Variants in LIMD1 observed in about 807,000 individuals in gnomAD.
LIMD1 encodes the protein LIM domain containing 1, also known as LIM domain-containing protein 1.
A neutral mutation model predicts 58.4 loss-of-function variants in LIMD1; 23 were observed. That is an observed-to-expected ratio of 0.39 (90% CI 0.28 to 0.56). The LOEUF (loss-of-function observed/expected upper bound fraction) is 0.56. LIMD1 is among the 20% of genes least tolerant of loss of function. The probability of loss-of-function intolerance (pLI) is 0.57; values close to 1 mark genes in which losing one functional copy is unlikely to be tolerated. For missense variants in LIMD1, 838 were observed against 855.5 expected (o/e 0.98, Z 0.25); for synonymous variants, 334 against 345.5 (o/e 0.97, Z 0.37).
At chr3:45,651,735 C>T (rs563035808) in intron 2 of LIMD1, among the ~76,000 whole-genome samples, 75 of 152,096 alleles carry the variant, frequency 4.9e-4, no homozygotes, top group African/African-American at 1.7e-3. Flanking sequence ...CGGGTTCAAG[C>T]GATTCTCCTT....
chr3:45,641,935 T>C (rs1701847241), intron 2 of LIMD1, among the ~76,000 whole-genome samples: 2 of 152,234 alleles, frequency 1.3e-5, no homozygotes, highest in South Asian at 4.1e-4. Context: ...TCATTAGAGA[T>C]GAGACACTGT....
rs1248984874 is a variant in LIMD1 at position 45,629,280 on chromosome 3, G to A, written c.1409-6870G>A. On this transcript the variant is annotated intron_variant, in intron 1 of 7. Transcript: ENST00000273317. ...ATACAAAAATTAGCCAGGCCTGGTG[G>A]CACGTGCCTGTAATCCCAGCTACTC... is the stretch of plus-strand genomic sequence containing the variant. Among the ~76,000 whole-genome samples, 7 of 152,028 alleles carry A rather than the reference G, an allele frequency of 4.6e-5. No individual in the cohort carries two copies. In the East Asian group the frequency reaches 9.7e-4, roughly 21 times the overall value.
At chr3:45,608,855 AAAAG>A (rs1331564353) in intron 1 of LIMD1, among the ~76,000 whole-genome samples, 7 of 151,818 alleles carry the variant, frequency 4.6e-5, no homozygotes, top group Middle Eastern at 6.8e-3. Flanking sequence ...AAAAAAAAAA[AAAAG>A]AAGGAGAATG....
intron 1 of LIMD1, among the ~76,000 whole-genome samples, chr3:45,616,441 G>C (rs994365251): frequency 6.6e-6 from 1 of 152,120 alleles, no homozygotes; most frequent in African/African-American, 2.4e-5. Context: ...ACAAAACCGG[G>C]TCACATCCCT....
chr3:45,673,524 CA>C lies in LIMD1; in HGVS notation c.1824+20del. The C allele has an allele frequency of 1.2e-6, 2 of 1,604,350 alleles. No individual in the cohort carries two copies. The highest frequency in any genetic ancestry group is 1.7e-6 in the Non-Finnish European group (2 of 1,171,008). On this transcript the variant is annotated intron_variant, in intron 6 of 7. Coordinates refer to ENST00000273317, the MANE Select transcript of LIMD1 (RefSeq NM_014240.3). ...ACCTGAGGTAAGATGCCCTTCCAGA[CA>C]TGCTCCCAGGGGCTTCTAAGACATG...
chr3:45,650,110 A>T (rs1172546958), intron 2 of LIMD1, among the ~76,000 whole-genome samples: 4 of 151,528 alleles, frequency 2.6e-5, no homozygotes, highest in Non-Finnish European at 5.9e-5. Context: ...TCCACTAGGG[A>T]CTCCAATTAC....
chr3:45,624,032 C>T (rs1474605399), intron 1 of LIMD1, among the ~76,000 whole-genome samples: 1 of 152,186 alleles, frequency 6.6e-6, no homozygotes, highest in Non-Finnish European at 1.5e-5. Flanking sequence ...CTAGCTCTGT[C>T]CCAAGGACTT....
At chr3:45,676,782 G>A in intron 7 of LIMD1, 140 bp from the exon 8 acceptor site, 1 of 804,304 alleles carries the variant, frequency 1.2e-6, no homozygotes, top group Non-Finnish European at 2.1e-6. Context: ...CACGGGGCAG[G>A]AGCTGTGTTT....
intron 2 of LIMD1, among the ~76,000 whole-genome samples, chr3:45,646,053 A>G (rs1217179563): frequency 2.0e-5 from 3 of 149,290 alleles, no homozygotes; most frequent in Middle Eastern, 3.3e-3. Context: ...AAAAAGATTT[A>G]GGAACCAGAG....
intron 1 of LIMD1, among the ~76,000 whole-genome samples, chr3:45,618,364 C>A (rs1701594393): frequency 6.6e-6 from 1 of 152,078 alleles, no homozygotes; most frequent in Non-Finnish European, 1.5e-5. Flanking sequence ...CCTCAAGGGC[C>A]CTGCTGTCCT....
Position 45,683,759 on chromosome 3 carries a change from A to G in LIMD1, c.*6700A>G, listed in dbSNP as rs1264407808. On this transcript the variant is annotated 3_prime_UTR_variant, in exon 8 of 8. Coordinates refer to ENST00000273317, the MANE Select transcript of LIMD1 (RefSeq NM_014240.3). The stretch of plus-strand genomic sequence containing the variant: ...TTCTTGAGCTGCTTGGGCTGCTCCC[A>G]CCCTGTGGAGCGTACTTTCGTTTTT... 6.6e-6 allele frequency: 1 copy of G among 152,152 alleles called. No homozygotes were observed. Among genetic ancestry groups the G allele is most frequent in the Non-Finnish European group, 1.5e-5 (1 of 68,040 alleles). The allele number at this position is 152,152 out of a possible 1,614,324, so 9.4% of individuals were successfully genotyped here.
At chr3:45,606,613 G>C (rs1215249289) in intron 1 of LIMD1, among the ~76,000 whole-genome samples, 1 of 152,230 alleles carries the variant, frequency 6.6e-6, no homozygotes, top group Non-Finnish European at 1.5e-5. Context: ...CCTCTGAAGA[G>C]GTGTGGGTTA....
chr3:45,615,581 C>T (rs1701568074), intron 1 of LIMD1, among the ~76,000 whole-genome samples: 1 of 151,852 alleles, frequency 6.6e-6, no homozygotes, highest in Non-Finnish European at 1.5e-5. Context: ...ATGGCAAAAC[C>T]CCATCTCTAC....
intron 2 of LIMD1, among the ~76,000 whole-genome samples, chr3:45,646,242 C>A (rs1464632739): frequency 6.6e-6 from 1 of 152,212 alleles, no homozygotes; most frequent in African/African-American, 2.4e-5. Flanking sequence ...ACTGTGTATA[C>A]ACTTGCCACC....
intron 1 of LIMD1, among the ~76,000 whole-genome samples, chr3:45,610,206 T>C (rs1347601929): frequency 6.6e-6 from 1 of 152,132 alleles, no homozygotes; most frequent in Non-Finnish European, 1.5e-5. Flanking sequence ...ACTTCTCGAA[T>C]GAATATGTGT....
Position 45,595,556 on chromosome 3 carries a change from C to A in LIMD1, c.677C>A (p.Pro226His), listed in dbSNP as rs748626119. 6.2e-7 allele frequency: 1 copy of A among 1,614,106 alleles called. No individual in the cohort carries two copies. Among genetic ancestry groups the A allele is most frequent in the Non-Finnish European group, 8.5e-7 (1 of 1,180,020 alleles). The change falls in exon 1 of 8, where the codon CCC becomes CAC. Residue 226 changes from proline (P) to histidine (H), a missense_variant. Physicochemically the swap from Pro to His is moderately conservative, Grantham distance 77. Around this residue, in one of 3 missense-constraint regions of LIMD1, gnomAD observed 659 missense variants for 639.8 expected, o/e 1.03. Transcript: ENST00000273317. ...CTGCCCAAACCCTGCGGGGACCATCCCCTAAATCACCGACAGCTCTCCCTG... is the reference window on the plus strand; with the variant it reads ...CTGCCCAAACCCTGCGGGGACCATCACCTAAATCACCGACAGCTCTCCCTG... ...PPLPKPCGDH[P>H]LNHRQLSLSS... is the part of the protein sequence containing the mutation.
chr3:45,611,669 A>G (rs1701523588), intron 1 of LIMD1, among the ~76,000 whole-genome samples: 1 of 152,196 alleles, frequency 6.6e-6, no homozygotes, highest in South Asian at 2.1e-4. Flanking sequence ...CCTGTGGCCA[A>G]TGCAGGGGCA....
chr3:45,607,996 C>A (rs963552250), intron 1 of LIMD1, among the ~76,000 whole-genome samples: 4 of 152,226 alleles, frequency 2.6e-5, no homozygotes, highest in African/African-American at 9.6e-5. Context: ...CCTCAGTTTG[C>A]ATTCCTTCCT....
At position 45,596,251 on chromosome 3, in the gene LIMD1, C is replaced by T. The variant is rs749495132; in HGVS notation, c.1372C>T (p.Arg458Ter). 3 of 1,610,654 alleles carry T rather than the reference C, an allele frequency of 1.9e-6. No homozygotes were observed. The Admixed American group carries it at 5.0e-5, about 27-fold the overall frequency. The stretch of plus-strand genomic sequence containing the variant: ...AGAAGCCCTCACCCAACGTCTGGAG[C>T]GAGAGATGGATGCTCACCCGAAGGC... ...KLEALTQRLE[R>*]EMDAHPKADY... Residue 458 changes from arginine to a stop codon, truncating the protein, a stop_gained, in exon 1 of 8, where the codon CGA becomes TGA. Transcript: ENST00000273317. LOFTEE classifies it high-confidence loss of function.
Sources: allele counts gnomAD v4.1 joint callset (sites outside exome capture counted in the v4.1 genomes callset), GRCh38; gene constraint gnomAD v4.1.1; regional missense constraint gnomAD v4.1.1; transcripts MANE v1.5; gene names NCBI Gene and HGNC (gene_info 2026-07-23, HGNC 2026-07-21).